The following PTK2 variants were observed in gnomAD, a reference collection of about 807,000 sequenced individuals.
PTK2 encodes focal adhesion kinase 1.
A neutral mutation model predicts 150.1 loss-of-function variants in PTK2; 45 were observed. The ratio of observed to expected loss-of-function variants is 0.30; its 90% confidence interval spans 0.24 to 0.38. PTK2 has a LOEUF of 0.38. PTK2 is among the 10% of genes least tolerant of loss of function. PTK2 has a pLI of 1.00. For missense variants in PTK2, 919 were observed against 1,307.3 expected (o/e 0.70, Z 4.58); for synonymous variants, 432 against 449.2 (o/e 0.96, Z 0.48).
chr8:140,701,300 TTATAGTAAAAAA>T (rs2100030303), intron 25 of PTK2, among the ~76,000 whole-genome samples: 2 of 152,180 alleles, frequency 1.3e-5, no homozygotes, highest in Non-Finnish European at 2.9e-5. Flanking sequence ...ACATTGTTAC[TTATAGTAAAAAA>T]GTAGAAACAA....
intron 1 of PTK2, among the ~76,000 whole-genome samples, chr8:140,987,755 T>G (rs2100193867): frequency 6.6e-6 from 1 of 152,162 alleles, no homozygotes; most frequent in African/African-American, 2.4e-5. Flanking sequence ...TTTAAGAATT[T>G]CAACAGGCCA....
intron 2 of PTK2, among the ~76,000 whole-genome samples, chr8:140,893,852 C>T (rs2100155052): frequency 6.6e-6 from 1 of 152,104 alleles, no homozygotes; most frequent in Non-Finnish European, 1.5e-5. Context: ...AAGGTCATAG[C>T]AGTACCCTGT....
intron 1 of PTK2, among the ~76,000 whole-genome samples, chr8:140,981,734 T>C (rs1369366813): frequency 4.6e-5 from 7 of 152,244 alleles, no homozygotes; most frequent in Non-Finnish European, 7.3e-5. Flanking sequence ...AGCCCATGGA[T>C]GCTGTAGCAC....
At chr8:140,920,431 A>T (rs2100166973) in intron 2 of PTK2, among the ~76,000 whole-genome samples, 1 of 152,198 alleles carries the variant, frequency 6.6e-6, no homozygotes. Context: ...ACTAATTTTT[A>T]AAATAAGAAA....
At chr8:140,805,631 T>G (rs191347030) in intron 10 of PTK2, among the ~76,000 whole-genome samples, 2 of 151,890 alleles carry the variant, frequency 1.3e-5, no homozygotes, top group Admixed American at 6.5e-5. Flanking sequence ...TCTCACTGAT[T>G]CTTCTCCCTT....
intron 27 of PTK2, among the ~76,000 whole-genome samples, chr8:140,682,711 A>G (rs568938257): frequency 1.5e-3 from 228 of 152,264 alleles, no homozygotes; most frequent in African/African-American, 5.2e-3. Context: ...CAGTACTAAG[A>G]AGATTGTTCA....
chr8:140,969,732 G>A (rs902816516), intron 1 of PTK2, among the ~76,000 whole-genome samples: 1 of 152,176 alleles, frequency 6.6e-6, no homozygotes, highest in African/African-American at 2.4e-5. Flanking sequence ...CACTTTAAAA[G>A]CTACCTTTAT....
At chr8:140,683,428 G>C (rs956355715) in intron 27 of PTK2, among the ~76,000 whole-genome samples, 3 of 152,162 alleles carry the variant, frequency 2.0e-5, no homozygotes, top group Non-Finnish European at 4.4e-5. Context: ...GATGTACAAA[G>C]ATGAGCTGGT....
chr8:140,894,622 C>G (rs2154607506), intron 2 of PTK2, among the ~76,000 whole-genome samples: 1 of 152,276 alleles, frequency 6.6e-6, no homozygotes, highest in Admixed American at 6.5e-5. Flanking sequence ...AAGTTAAAAA[C>G]CCAAAGTGCA....
At chr8:140,924,414 T>C (rs1568992008) in intron 2 of PTK2, among the ~76,000 whole-genome samples, 1 of 152,204 alleles carries the variant, frequency 6.6e-6, no homozygotes, top group Admixed American at 6.5e-5. Flanking sequence ...CCCACTACAA[T>C]GCAAGCTCCG....
At chr8:140,798,227 TA>T (rs1053322093) in intron 12 of PTK2, among the ~76,000 whole-genome samples, 1 of 152,138 alleles carries the variant, frequency 6.6e-6, no homozygotes, top group African/African-American at 2.4e-5. Context: ...AAATCTCAAT[TA>T]AAAAATGTAC....
At chr8:140,830,271 A>G (rs2100114585) in intron 8 of PTK2, among the ~76,000 whole-genome samples, 1 of 152,252 alleles carries the variant, frequency 6.6e-6, no homozygotes, top group South Asian at 2.1e-4. Flanking sequence ...TTAAGAAGTA[A>G]AACCATGTTT....
chr8:140,846,558 A>T, intron 6 of PTK2, 41 bp downstream of exon 6: 3 of 1,449,120 alleles, frequency 2.1e-6, no homozygotes, highest in Non-Finnish European at 2.9e-6. Context: ...ATAATTAAAA[A>T]ATTGATAAAT....
At chr8:140,738,996 C>T (rs2154421050) in intron 21 of PTK2, 22 bp downstream of exon 24, 2 of 1,437,602 alleles carry the variant, frequency 1.4e-6, no homozygotes, top group Non-Finnish European at 1.9e-6. Flanking sequence ...TTAAAGAATA[C>T]AAAACTTTTA....
rs574147849 is a variant in PTK2, at chr8:140,904,689, C to G, written c.-32-13920G>C. Among the ~76,000 whole-genome samples, 195 of 152,138 alleles carry G rather than the reference C, an allele frequency of 1.3e-3. 1 individual carries two copies. Among genetic ancestry groups the G allele is most frequent in the Middle Eastern group, 6.8e-3 (2 of 294 alleles). ...CTCAATTTCAGAACTTGTTATTGGT[C>G]CATTCAGGGATTTGACTTCTTCCTG... On this transcript the variant is annotated intron_variant, in intron 2 of 31. Transcript: ENST00000522684.
chr8:140,939,378 T>C (rs1429142496), intron 1 of PTK2, among the ~76,000 whole-genome samples: 2 of 152,218 alleles, frequency 1.3e-5, no homozygotes, highest in Non-Finnish European at 2.9e-5. Flanking sequence ...ATGTGTACTA[T>C]ACAAGTTCAG....
At chr8:140,792,383 TG>T (rs1416600474) in intron 13 of PTK2, among the ~76,000 whole-genome samples, 5 of 152,230 alleles carry the variant, frequency 3.3e-5, no homozygotes, top group Non-Finnish European at 5.9e-5. Flanking sequence ...AATCCATTGC[TG>T]GGGAATTCAG....
At chr8:140,879,378 A>G in intron 4 of PTK2, 93 bp downstream of exon 4, 1 of 1,321,336 alleles carries the variant, frequency 7.6e-7, no homozygotes, top group Non-Finnish European at 1.0e-6. Flanking sequence ...AAGCAGTGTG[A>G]AAATTAAACA....
At chr8:140,963,835 G>C (rs940210641) in intron 1 of PTK2, among the ~76,000 whole-genome samples, 2 of 152,096 alleles carry the variant, frequency 1.3e-5, no homozygotes, top group African/African-American at 2.4e-5. Flanking sequence ...GAATATTCCA[G>C]GGGGAACAGG....
Sources: gnomAD v4.1 joint callset for allele counts (sites outside exome capture counted in the v4.1 genomes callset) on GRCh38, gnomAD v4.1.1 for gene constraint, MANE v1.5 for transcripts, NCBI Gene and HGNC (gene_info 2026-07-23, HGNC 2026-07-21) for gene names.